The following DNM1L variants were observed in gnomAD, a reference collection of about 807,000 sequenced individuals.
The protein encoded by DNM1L is dynamin 1L, also known as dynamin-1-like protein.
In DNM1L, 33 loss-of-function variants were observed where a neutral mutation model predicts 92.8. That is an observed-to-expected ratio of 0.36 (90% CI 0.27 to 0.48). The LOEUF is 0.48. Among genes scored for constraint, DNM1L ranks in the 20% least tolerant of loss-of-function variants. DNM1L has a pLI of 0.99. For synonymous variants in DNM1L, 284 were observed against 305.0 expected (o/e 0.93, Z 0.72); for missense variants, 485 against 888.8 (o/e 0.55, Z 5.78).
chr12:32,732,098 C>T (rs1954591619), intron 12 of DNM1L, among the ~76,000 whole-genome samples, 155 bp downstream of exon 12: 1 of 152,108 alleles, frequency 6.6e-6, no homozygotes, highest in Non-Finnish European at 1.5e-5. Flanking sequence ...GTTTCAGTCT[C>T]ATTTTAAAGG....
intron 1 of DNM1L, among the ~76,000 whole-genome samples, chr12:32,685,216 C>T (rs899157835): frequency 1.3e-5 from 2 of 152,052 alleles, no homozygotes; most frequent in Non-Finnish European, 2.9e-5. Context: ...GGATTACAGG[C>T]GTGAGCCACC....
chr12:32,694,473 A>C (rs1281196541), intron 1 of DNM1L, among the ~76,000 whole-genome samples: 1 of 152,188 alleles, frequency 6.6e-6, no homozygotes, highest in Non-Finnish European at 1.5e-5. Flanking sequence ...ATGTTTTTAG[A>C]TTCATCCATG....
chr12:32,726,794 C>A, intron 9 of DNM1L: 1 of 620,938 alleles, frequency 1.6e-6, no homozygotes, highest in Non-Finnish European at 2.9e-6. Flanking sequence ...CTGTACAACC[C>A]ATAATTTCTT....
At chr12:32,735,113 G>A (rs183587412) in intron 13 of DNM1L, among the ~76,000 whole-genome samples, 8 of 152,202 alleles carry the variant, frequency 5.3e-5, no homozygotes, top group East Asian at 1.9e-4. Flanking sequence ...TTGTGTTTGC[G>A]GTAGTTCTGT....
rs1955041733 is a variant in DNM1L at position 32,738,297 on chromosome 12, G to A, written c.1707+1G>A. ...GGACAGCAGAAGAGAAACTAAAAAT[G>A]TGAGTCTCTTGCTTCAGAATGGAAA... On this transcript the variant is annotated splice_donor_variant, in intron 16 of 19. Transcript: ENST00000549701. LOFTEE classifies it high-confidence loss of function. 1 of 1,613,564 alleles carries A rather than the reference G, an allele frequency of 6.2e-7. No individual in the cohort carries two copies. Among genetic ancestry groups the A allele is most frequent in the South Asian group, 1.1e-5 (1 of 91,070 alleles).
chr12:32,713,662 G>A (rs1311678686), intron 6 of DNM1L, among the ~76,000 whole-genome samples: 2 of 152,094 alleles, frequency 1.3e-5, no homozygotes, highest in Non-Finnish European at 2.9e-5. Flanking sequence ...TGTGACCTAG[G>A]TATTTGAATA....
intron 9 of DNM1L, among the ~76,000 whole-genome samples, chr12:32,723,322 G>A: frequency 6.6e-6 from 1 of 151,928 alleles, no homozygotes. Flanking sequence ...AACAAGACCA[G>A]GTATTATCGA....
chr12:32,703,490 A>T (rs1435732635), intron 2 of DNM1L, among the ~76,000 whole-genome samples: 1 of 152,098 alleles, frequency 6.6e-6, no homozygotes, highest in East Asian at 1.9e-4. Flanking sequence ...GCATATCATA[A>T]ATCATTCTAA....
At chr12:32,718,021 ATT>A (rs1341020041) in intron 6 of DNM1L, among the ~76,000 whole-genome samples, 1 of 124,426 alleles carries the variant, frequency 8.0e-6, no homozygotes, top group Non-Finnish European at 1.6e-5. Context: ...TAGTATATAT[ATT>A]ATAAATATAT....
intron 9 of DNM1L, chr12:32,726,337 C>T: frequency 1.3e-6 from 2 of 1,496,796 alleles, no homozygotes; most frequent in Non-Finnish European, 1.9e-6. Context: ...TGTGTTTAGG[C>T]TAGGACAGTG....
Position 32,738,091 on chromosome 12 carries a change from T to C in DNM1L, c.1674+149T>C. ...TAGTCTAATATATATTTTAAAATTA[T>C]ATAACAATGCAATGCATAGTTTATA... On this transcript the variant is annotated intron_variant, in intron 15 of 19. Coordinates refer to ENST00000549701, the MANE Select transcript of DNM1L (RefSeq NM_012062.5). 8.5e-6 allele frequency: 9 copies of C among 1,061,996 alleles called. No individual in the cohort carries two copies. The South Asian group carries it at 1.2e-4, about 14-fold the overall frequency. 65.8% of individuals were successfully genotyped at this position (1,061,996 alleles called of 1,614,324 possible).
intron 6 of DNM1L, among the ~76,000 whole-genome samples, chr12:32,716,491 C>A: frequency 6.6e-6 from 1 of 151,934 alleles, no homozygotes; most frequent in Non-Finnish European, 1.5e-5. Context: ...GCTACGTTTT[C>A]TATTTTTTGT....
intron 6 of DNM1L, among the ~76,000 whole-genome samples, chr12:32,716,547 G>A (rs1953376234): frequency 6.6e-6 from 1 of 151,906 alleles, no homozygotes. Context: ...TCGAACTCCT[G>A]GGCTCAAGCA....
intron 1 of DNM1L, among the ~76,000 whole-genome samples, chr12:32,688,896 C>G (rs2137237350): frequency 6.6e-6 from 1 of 152,270 alleles, no homozygotes; most frequent in Non-Finnish European, 1.5e-5. Context: ...GTATTAAGTT[C>G]ATATAAGAAC....
chr12:32,737,519 CAG>C (rs1238606406), intron 14 of DNM1L: 3 of 397,054 alleles, frequency 7.6e-6, no homozygotes, highest in African/African-American at 6.1e-5. Context: ...ATGCACAGAA[CAG>C]AGGTTTTAAT....
chr12:32,703,432 C>T lies in DNM1L; in HGVS notation c.250+1870C>T, dbSNP rs1022759609. On this transcript the variant is annotated intron_variant, in intron 2 of 19. Transcript: ENST00000549701. ...GTGTTTTATTCTAGCATAGACAGTT[C>T]GTTAGTTTTTCATCAAAGCTTCTTT... Among the ~76,000 whole-genome samples the T allele has an allele frequency of 1.1e-4, 16 of 151,946 alleles. No homozygotes were observed. The South Asian group carries it at 2.3e-3, about 22-fold the overall frequency.
chr12:32,716,004 C>T (rs1953347323), intron 6 of DNM1L, among the ~76,000 whole-genome samples: 1 of 152,154 alleles, frequency 6.6e-6, no homozygotes, highest in Non-Finnish European at 1.5e-5. Context: ...ACATATTCCT[C>T]AGATGGGGAG....
At chr12:32,738,092 A>G (rs1046650041) in intron 15 of DNM1L, 150 bp downstream of exon 15, 3 of 1,056,608 alleles carry the variant, frequency 2.8e-6, no homozygotes, top group African/African-American at 3.2e-5. Flanking sequence ...TTAAAATTAT[A>G]TAACAATGCA....
intron 2 of DNM1L, chr12:32,707,126 AG>A (rs1952957726): frequency 2.4e-6 from 1 of 414,120 alleles, no homozygotes; most frequent in African/African-American, 2.1e-5. Flanking sequence ...ACCTGTGAGC[AG>A]CTCTGCCTGA....
Sources: gnomAD v4.1 joint callset for allele counts (sites outside exome capture counted in the v4.1 genomes callset) on GRCh38, gnomAD v4.1.1 for gene constraint, MANE v1.5 for transcripts, NCBI Gene and HGNC (gene_info 2026-07-23, HGNC 2026-07-21) for gene names.